DIS3: variants seen among roughly 807,000 people sequenced by gnomAD.
DIS3 encodes the protein DIS3 exosome endoribonuclease and 3'-5' exoribonuclease.
Under a neutral mutation model 113.0 loss-of-function variants are expected in DIS3, and 103 were observed. The ratio of observed to expected loss-of-function variants is 0.91; its 90% CI spans 0.78 to 1.07. The LOEUF (loss-of-function observed/expected upper bound fraction) is 1.07. Among genes scored for constraint, DIS3 ranks in the 50% least tolerant of loss-of-function variants. The pLI, the probability that DIS3 is intolerant of heterozygous loss-of-function variation, is 0.00. For synonymous variants in DIS3, 402 were observed against 394.3 expected (o/e 1.02, Z -0.23); for missense variants, 1,121 against 1,167.1 (o/e 0.96, Z 0.58).
chr13:72,772,867 G>A lies in DIS3; in HGVS notation c.1240-28C>T, dbSNP rs775613334. 1.0e-5 allele frequency: 16 copies of A among 1,555,194 alleles called. No individual in the cohort carries two copies. The African/African-American group carries it at 1.1e-4, about 11-fold the overall frequency. ...GAAACCAAGAGGCATTATTAGAAAC[G>A]CCTATTTTATAGCAAATTTACATCT... On this transcript the variant is annotated intron_variant, in intron 8 of 20. Transcript: ENST00000377767.
Position 72,777,483 on chromosome 13 carries a change from A to G in DIS3, c.591T>C (p.Tyr197=), listed in dbSNP as rs1471877613. 10 of 1,613,868 alleles carry G rather than the reference A, an allele frequency of 6.2e-6. No individual in the cohort carries two copies. Among genetic ancestry groups the G allele is most frequent in the Non-Finnish European group, 8.5e-6 (10 of 1,179,940 alleles). Residue 197 remains tyrosine, a synonymous_variant, in exon 4 of 21, where the codon TAT becomes TAC. Coordinates refer to ENST00000377767, the MANE Select transcript of DIS3 (RefSeq NM_014953.5). Reference sequence around the variant, plus strand: ...CGGGGTTAGCAGTTAGGCTCTTTACATATTCTTCACCTGAAAAAATAAGTT... The same window carrying G: ...CGGGGTTAGCAGTTAGGCTCTTTACGTATTCTTCACCTGAAAAAATAAGTT... The part of the protein sequence containing the change: ...EGIPAFTCEE[Y]VKSLTANPEL...
At position 72,781,711 on chromosome 13, in the gene DIS3, C is replaced by G. The variant is rs764982259; in HGVS notation, c.122G>C (p.Gly41Ala). ...CTCCAGGGCCGGCCCCTCGTGCGCCCCTCCACACGCTGCGCACCCGGGCGC... is the reference window on the plus strand; with the variant it reads ...CTCCAGGGCCGGCCCCTCGTGCGCCGCTCCACACGCTGCGCACCCGGGCGC... ...CGAPGCAACG[G>A]AHEGPALEPQ... The change falls in exon 1 of 21, where the codon GGG (glycine) becomes GCG (alanine). Residue 41 changes from glycine to alanine, a missense_variant. This residue lies in a region of DIS3 where 254 missense variants were observed against 232.2 expected (regional missense o/e 1.09). Transcript: ENST00000377767. 5 of 1,572,612 alleles carry G rather than the reference C, an allele frequency of 3.2e-6. No homozygotes were observed. The highest frequency in any genetic ancestry group is 4.3e-6 in the Non-Finnish European group (5 of 1,160,148).
intron 14 of DIS3, 55 bp downstream of exon 14, chr13:72,768,730 C>A (rs2033812837): frequency 1.5e-6 from 2 of 1,336,106 alleles, no homozygotes; most frequent in African/African-American, 1.5e-5. Context: ...TGCCTATGAT[C>A]AAACAATGTA....
rs750511859 is a variant in DIS3, at chr13:72,765,956, CA to C, written c.1970+15del. 13 of 1,578,756 alleles carry C rather than the reference CA, an allele frequency of 8.2e-6. No individual in the cohort carries two copies. Among genetic ancestry groups the C allele is most frequent in the African/African-American group, 4.1e-5 (3 of 73,302 alleles). ...TAAAAAAATCTTATCTAATGCCCAT[CA>C]AAAAAATTACAAACCTAAGTTCCTT... On this transcript the variant is annotated intron_variant, in intron 15 of 20. Coordinates refer to ENST00000377767, the MANE Select transcript of DIS3 (RefSeq NM_014953.5).
In DIS3 at chr13:72,758,288, C is replaced by G. The variant is rs540135762; in HGVS notation, c.*1507G>C. ...GGGTATACCATCTAGGTTTGTGTAA[C>G]TACATCATGATTTTCACACAATGAT... On this transcript the variant is annotated 3_prime_UTR_variant, in exon 21 of 21. Transcript: ENST00000377767. 1 of 181,896 alleles carries G rather than the reference C, an allele frequency of 5.5e-6. No homozygotes were observed. The highest frequency in any genetic ancestry group is 1.2e-5 in the Non-Finnish European group (1 of 85,272). 11.3% of individuals were successfully genotyped at this position (181,896 alleles called of 1,614,324 possible).
intron 16 of DIS3, 131 bp downstream of exon 16, chr13:72,763,320 A>T: frequency 8.4e-7 from 1 of 1,193,518 alleles, no homozygotes. Context: ...AAACCAAAAG[A>T]AAAAAGAACT....
chr13:72,773,635 C>G, intron 8 of DIS3, 49 bp downstream of exon 8: 1 of 1,562,808 alleles, frequency 6.4e-7, no homozygotes, highest in Non-Finnish European at 8.6e-7. Flanking sequence ...ATACTATTCA[C>G]AAAATTTTAA....
chr13:72,774,180 G>C, intron 6 of DIS3, 121 bp from the exon 7 acceptor site: 1 of 594,746 alleles, frequency 1.7e-6, no homozygotes. Context: ...TATGACATAA[G>C]ACTACAGAAT....
At chr13:72,765,932 A>G (rs373890962) in intron 15 of DIS3, 40 bp downstream of exon 15, 3 of 1,435,672 alleles carry the variant, frequency 2.1e-6, no homozygotes, top group African/African-American at 2.9e-5. Flanking sequence ...CAATTAAAAT[A>G]AAAAAATCTT....
At position 72,761,467 on chromosome 13, in the gene DIS3, T is replaced by C; in HGVS notation, c.2566A>G (p.Arg856Gly). The change falls in exon 19 of 21, where the codon AGA becomes GGA. Residue 856 changes from arginine (R) to glycine (G), a missense_variant. Coordinates refer to ENST00000377767, the MANE Select transcript of DIS3 (RefSeq NM_014953.5). Reference sequence around the variant, plus strand: ...ATTAATACCACAATGGCATTCTTTCTTACAAATAAAATATAGGCTTCTTCA... The same window carrying C: ...ATTAATACCACAATGGCATTCTTTCCTACAAATAAAATATAGGCTTCTTCA... ...VSEEAYILFV[R>G]KNAIVVLIPK... The C allele has an allele frequency of 6.2e-7, 1 of 1,610,226 alleles. No homozygotes were observed. Among genetic ancestry groups the C allele is most frequent in the Non-Finnish European group, 8.5e-7 (1 of 1,178,602 alleles).
chr13:72,778,698 T>C lies in DIS3; in HGVS notation c.387-318A>G, dbSNP rs1254841432. Among the ~76,000 whole-genome samples, 4 of 152,204 alleles carry C rather than the reference T, an allele frequency of 2.6e-5. No individual in the cohort carries two copies. The East Asian group carries it at 5.8e-4, about 22-fold the overall frequency. ...GGTTGAGACACTAAATAATAGTTTG[T>C]TGACAAATTATAATACAATTTCACA... On this transcript the variant is annotated intron_variant, in intron 2 of 20. Transcript: ENST00000377767.
intron 8 of DIS3, among the ~76,000 whole-genome samples, 182 bp from the exon 9 acceptor site, chr13:72,773,021 G>C (rs1001248030): frequency 6.6e-6 from 1 of 152,160 alleles, no homozygotes; most frequent in African/African-American, 2.4e-5. Flanking sequence ...TGGAAACTTT[G>C]TAAGGGTCCA....
At chr13:72,764,937 C>G (rs2033710372) in intron 15 of DIS3, among the ~76,000 whole-genome samples, 1 of 152,116 alleles carries the variant, frequency 6.6e-6, no homozygotes, top group Admixed American at 6.6e-5. Flanking sequence ...CATACTTACA[C>G]AGAAGTTCTA....
Position 72,755,856 on chromosome 13 carries a change from G to A in DIS3, c.*3939C>T, listed in dbSNP as rs2033450495. On this transcript the variant is annotated 3_prime_UTR_variant, in exon 21 of 21. Coordinates refer to ENST00000377767, the MANE Select transcript of DIS3 (RefSeq NM_014953.5). ...GTGTATTGTTATCTATGGGGCAAAT[G>A]TGTGGTGCCCAGAATAAAATATACC... 5.0e-6 allele frequency: 2 copies of A among 398,458 alleles called. No individual in the cohort carries two copies. Among genetic ancestry groups the A allele is most frequent in the South Asian group, 2.5e-4 (2 of 7,868 alleles). The allele number at this position is 398,458 out of a possible 1,614,324, so 24.7% of individuals were successfully genotyped here. A position where few individuals can be genotyped will look rare whatever the true frequency, so the allele number is the denominator to read the frequency against.
chr13:72,775,171 A>G, intron 6 of DIS3, 40 bp downstream of exon 6: 7 of 1,564,700 alleles, frequency 4.5e-6, no homozygotes, highest in Non-Finnish European at 6.0e-6. Context: ...TAATAATACA[A>G]AGCTACACAG....
intron 1 of DIS3, chr13:72,781,332 T>TC (rs1216505445): frequency 6.4e-6 from 10 of 1,550,940 alleles, no homozygotes; most frequent in Non-Finnish European, 8.7e-6. Flanking sequence ...GAAGCCCAGG[T>TC]CCCCGGCCTC....
chr13:72,757,747 TGGC>T lies in DIS3; in HGVS notation c.*2045_*2047del, dbSNP rs2033525793. 2.6e-5 allele frequency: 5 copies of T among 191,982 alleles called. No homozygotes were observed. The East Asian group carries it at 4.1e-4, about 16-fold the overall frequency. 11.9% of individuals were successfully genotyped at this position (191,982 alleles called of 1,614,324 possible). On this transcript the variant is annotated 3_prime_UTR_variant, in exon 21 of 21. Transcript: ENST00000377767. ...TAGCCGGCAAACTTTTTTAAATGGT[TGGC>T]GGGGGTGGGGGAAATCAAATGAGTA... is the stretch of plus-strand genomic sequence containing the variant.
Position 72,759,684 on chromosome 13 carries a change from A to C in DIS3, c.*111T>G. 1.3e-6 allele frequency: 1 copy of C among 776,590 alleles called. No homozygotes were observed. The highest frequency in any genetic ancestry group is 1.9e-5 in the South Asian group (1 of 53,836). 48.1% of individuals were successfully genotyped at this position (776,590 alleles called of 1,614,324 possible). A position where few individuals can be genotyped will look rare whatever the true frequency, so the allele number is the denominator to read the frequency against. Reference sequence around the variant, plus strand: ...AAAATGCAGATGTCTGAAATTATTAAAATGTACTTAAAAGTAACAAACTGT... The same window carrying C: ...AAAATGCAGATGTCTGAAATTATTACAATGTACTTAAAAGTAACAAACTGT... On this transcript the variant is annotated 3_prime_UTR_variant, in exon 21 of 21. Coordinates refer to ENST00000377767, the MANE Select transcript of DIS3 (RefSeq NM_014953.5).
intron 2 of DIS3, among the ~76,000 whole-genome samples, chr13:72,778,598 T>C (rs956017049): frequency 4.6e-5 from 7 of 152,146 alleles, no homozygotes; most frequent in African/African-American, 1.7e-4. Context: ...AATTATGTTA[T>C]TAAGGGGACA....
Sources: gnomAD v4.1 joint callset for allele counts (sites outside exome capture counted in the v4.1 genomes callset) on GRCh38, gnomAD v4.1.1 for gene constraint, gnomAD v4.1.1 regional missense constraint, MANE v1.5 for transcripts, NCBI Gene and HGNC (gene_info 2026-07-23, HGNC 2026-07-21) for gene names.